The following AKAP7 variants were observed in gnomAD, a reference collection of about 807,000 sequenced individuals.
AKAP7 encodes A-kinase anchoring protein 7, also known as A kinase (PRKA) anchor protein 7.
In AKAP7, 39 loss-of-function variants were observed where a neutral mutation model predicts 39.5. The observed-to-expected ratio is 0.99, with a 90% CI of 0.76 to 1.29. The LOEUF (loss-of-function observed/expected upper bound fraction) is 1.29. AKAP7 is among the 50% of genes most tolerant of loss of function. The pLI, the probability that AKAP7 is intolerant of heterozygous loss-of-function variation, is 0.00. For missense variants in AKAP7, 414 were observed against 407.7 expected, an observed-to-expected ratio of 1.02 and a Z score of -0.13; for synonymous variants, 140 against 139.1, an observed-to-expected ratio of 1.01 and a Z score of -0.05.
chr6:131,265,660 A>G (rs979836006), intron 7 of AKAP7, among the ~76,000 whole-genome samples: 3 of 152,216 alleles, frequency 2.0e-5, no homozygotes, highest in African/African-American at 7.2e-5. Flanking sequence ...TACAGAAGCT[A>G]TCATAGAAAT....
At position 131,283,081 on chromosome 6, in the gene AKAP7, C is replaced by G. The variant is rs537826473; in HGVS notation, c.*1355C>G. On this transcript the variant is annotated 3_prime_UTR_variant, in exon 8 of 8. Coordinates refer to ENST00000431975, the MANE Select transcript of AKAP7 (RefSeq NM_016377.4). ...TATTGAACAATAGTACTTGAATGAA[C>G]ATTTATAAATGTAATTATTGCGATC... 1.3e-5 allele frequency: 2 copies of G among 152,964 alleles called. No homozygotes were observed. The highest frequency in any genetic ancestry group is 1.3e-4 in the Admixed American group (2 of 15,324). The allele number at this position is 152,964 out of a possible 1,614,324, so 9.5% of individuals were successfully genotyped here. A position where few individuals can be genotyped will look rare whatever the true frequency, so the allele number is the denominator to read the frequency against.
chr6:131,188,241 G>T (rs200134206), intron 5 of AKAP7, among the ~76,000 whole-genome samples: 1 of 131,134 alleles, frequency 7.6e-6, no homozygotes, highest in Non-Finnish European at 1.7e-5. Context: ...TTGAAACATA[G>T]TTCAAGTGAC....
chr6:131,220,616 G>A (rs561026931), intron 7 of AKAP7, among the ~76,000 whole-genome samples: 11 of 152,246 alleles, frequency 7.2e-5, no homozygotes, highest in African/African-American at 2.6e-4. Flanking sequence ...GCTTTATTGT[G>A]CTTCACAGAT....
chr6:131,198,343 A>G (rs758034161), intron 5 of AKAP7, among the ~76,000 whole-genome samples: 6 of 152,230 alleles, frequency 3.9e-5, no homozygotes, highest in Non-Finnish European at 8.8e-5. Context: ...CATATTGACC[A>G]GTTAGTTTGC....
chr6:131,182,092 C>T (rs1467181621), intron 5 of AKAP7, among the ~76,000 whole-genome samples: 4 of 151,730 alleles, frequency 2.6e-5, no homozygotes, highest in Non-Finnish European at 5.9e-5. Context: ...CACCAATGTA[C>T]TCCAGCCTGG....
intron 2 of AKAP7, among the ~76,000 whole-genome samples, chr6:131,158,377 TC>T (rs1802612021): frequency 1.3e-5 from 2 of 152,178 alleles, no homozygotes; most frequent in Non-Finnish European, 2.9e-5. Context: ...TTAGAGGTGA[TC>T]CCAAAGATGA....
chr6:131,266,702 G>GT (rs3842086), intron 7 of AKAP7, among the ~76,000 whole-genome samples: 95 of 143,868 alleles, frequency 6.6e-4, no homozygotes, highest in African/African-American at 1.2e-3. Flanking sequence ...TGTTGTTGTT[G>GT]TTGTTGTTTT....
chr6:131,277,384 G>A (rs868559080), intron 7 of AKAP7, among the ~76,000 whole-genome samples: 17 of 152,270 alleles, frequency 1.1e-4, no homozygotes, highest in Middle Eastern at 3.4e-3. Flanking sequence ...GTCCAAAAAA[G>A]AATATTCCTA....
At chr6:131,214,266 A>G (rs932148881) in intron 6 of AKAP7, among the ~76,000 whole-genome samples, 1 of 152,200 alleles carries the variant, frequency 6.6e-6, no homozygotes, top group Admixed American at 6.5e-5. Flanking sequence ...TCTACCTACT[A>G]CTTGCTGAAA....
chr6:131,173,824 T>A (rs1221231116), intron 5 of AKAP7, among the ~76,000 whole-genome samples: 3 of 152,240 alleles, frequency 2.0e-5, no homozygotes, highest in African/African-American at 7.2e-5. Flanking sequence ...GAAACATTTC[T>A]AATTACTCAT....
rs576170713 is a variant in AKAP7 at position 131,158,362 on chromosome 6, G to C, written c.152-1697G>C. On this transcript the variant is annotated intron_variant, in intron 2 of 7. Coordinates refer to ENST00000431975, the MANE Select transcript of AKAP7 (RefSeq NM_016377.4). ...GCATTGTGTGCAGGCAGTTACTGTG[G>C]TCTATTAGAGGTGATCCCAAAGATG... Among the ~76,000 whole-genome samples, 3 of 152,308 alleles carry C rather than the reference G, an allele frequency of 2.0e-5. No individual in the cohort carries two copies. The South Asian group carries it at 6.2e-4, about 32-fold the overall frequency.
chr6:131,132,964 T>C (rs1056628741), upstream of AKAP7, among the ~76,000 whole-genome samples: 24 of 152,230 alleles, frequency 1.6e-4, no homozygotes, highest in African/African-American at 5.8e-4. Context: ...AACTTATAAA[T>C]ATTTCGGTCC....
At chr6:131,253,561 C>T (rs2128320944) in intron 7 of AKAP7, among the ~76,000 whole-genome samples, 1 of 152,244 alleles carries the variant, frequency 6.6e-6, no homozygotes, top group South Asian at 2.1e-4. Flanking sequence ...TTCCTTCTAT[C>T]TAACTGTGTT....
intron 2 of AKAP7, among the ~76,000 whole-genome samples, chr6:131,153,290 G>T (rs1562867047): frequency 6.6e-6 from 1 of 152,100 alleles, no homozygotes; most frequent in Non-Finnish European, 1.5e-5. Flanking sequence ...CTGTCATTAG[G>T]TATTTTAAAA....
chr6:131,185,547 T>C (rs1006642718), intron 5 of AKAP7: 2 of 184,112 alleles, frequency 1.1e-5, no homozygotes, highest in Non-Finnish European at 2.3e-5. Flanking sequence ...GGTATTTCAT[T>C]TGTGGTTTTG....
chr6:131,272,562 C>T (rs1232542574), intron 7 of AKAP7, among the ~76,000 whole-genome samples: 4 of 152,028 alleles, frequency 2.6e-5, no homozygotes, highest in African/African-American at 4.8e-5. Flanking sequence ...TTTTAATTTA[C>T]GTTCAGTTAA....
the AKAP7 span, among the ~76,000 whole-genome samples, chr6:131,127,822 A>T: frequency 6.6e-6 from 1 of 152,368 alleles, no homozygotes; most frequent in South Asian, 2.1e-4. Flanking sequence ...TAGTACCTAT[A>T]CACCATGGAA....
At position 131,219,726 on chromosome 6, in the gene AKAP7, A is replaced by G. The variant is rs562183592; in HGVS notation, c.768A>G (p.Ile256Met). The G allele has an allele frequency of 6.3e-6, 10 of 1,598,312 alleles. No individual in the cohort carries two copies. In the East Asian group the frequency reaches 2.1e-4, roughly 33 times the overall value. The change falls in exon 7 of 8, where the codon ATA becomes ATG. Residue 256 changes from isoleucine (I) to methionine (M), a missense_variant. Transcript: ENST00000431975. ...TCAGTCACAGATTTGGAGAAGAAAT[A>G]TTATATCGCATAGATCTTTGCTCCA... ...KFISHRFGEE[I>M]LYRIDLCSML...
At chr6:131,139,493 A>G (rs1800847529) in intron 1 of AKAP7, among the ~76,000 whole-genome samples, 4 of 152,228 alleles carry the variant, frequency 2.6e-5, no homozygotes. Flanking sequence ...ATGGGATACT[A>G]GTACTTTTCC....
Sources: gnomAD v4.1 joint callset for allele counts (sites outside exome capture counted in the v4.1 genomes callset) on GRCh38, gnomAD v4.1.1 for gene constraint, MANE v1.5 for transcripts, NCBI Gene and HGNC (gene_info 2026-07-23, HGNC 2026-07-21) for gene names.